ZNF578: variants seen among roughly 807,000 people sequenced by gnomAD.
The protein encoded by ZNF578 is Putative chemokine-related protein B42.
Under a neutral mutation model 8.3 loss-of-function variants are expected in ZNF578, and 8 were observed. The ratio of observed to expected loss-of-function variants is 0.96; its 90% CI spans 0.56 to 1.74. The LOEUF is 1.74. Ranked by LOEUF, ZNF578 falls within the 40% of genes most tolerant of loss-of-function variation. The probability of loss-of-function intolerance (pLI) is 0.00; values close to 1 mark genes in which losing one functional copy is unlikely to be tolerated. For missense variants in ZNF578, 726 were observed against 707.5 expected (o/e 1.03, Z -0.30); for synonymous variants, 206 against 232.2 (o/e 0.89, Z 1.03).
chr19:52,502,896 G>A (rs2059412479), intron 4 of ZNF578, among the ~76,000 whole-genome samples: 1 of 152,122 alleles, frequency 6.6e-6, no homozygotes, highest in Non-Finnish European at 1.5e-5. Context: ...GTCACCATAT[G>A]TATGTATGTA....
At chr19:52,487,732 C>G (rs987429217) in intron 2 of ZNF578, among the ~76,000 whole-genome samples, 1 of 151,474 alleles carries the variant, frequency 6.6e-6, no homozygotes, top group African/African-American at 2.4e-5. Flanking sequence ...TGGGCTCAAG[C>G]GATCCTCCTA....
rs1007690741 is a variant in ZNF578 at position 52,516,684 on chromosome 19, G to T, written c.*4530G>T. ...TGTAATCTCCCCCACCCTTCAGAAG[G>T]CTCTTTGTAATCCTCCCCACCCTTG... On this transcript the variant is annotated 3_prime_UTR_variant, in exon 6 of 6. Coordinates refer to ENST00000421239, the MANE Select transcript of ZNF578 (RefSeq NM_001099694.2). 6.6e-6 allele frequency among the ~76,000 whole-genome samples: 1 copy of T among 152,040 alleles called. No homozygotes were observed. The highest frequency in any genetic ancestry group is 2.4e-5 in the African/African-American group (1 of 41,354).
chr19:52,511,182 CTT>C lies in ZNF578; in HGVS notation c.803_804del (p.Phe268Ter), dbSNP rs767667605. The C allele has an allele frequency of 4.3e-6, 7 of 1,614,226 alleles. No homozygotes were observed. The South Asian group carries it at 6.6e-5, about 15-fold the overall frequency. ...QYKFDICGKV[F>X]NEKRYLARHR... The stretch of plus-strand genomic sequence containing the variant: ...ATAAATTTGATATATGTGGCAAAGT[CTT>C]TAATGAGAAGCGATACCTTGCACGC... On this transcript the variant is annotated frameshift_variant, in exon 6 of 6. Transcript: ENST00000421239. LOFTEE classifies it low-confidence loss of function (END_TRUNC).
At chr19:52,508,986 C>T (rs2059435104) in intron 5 of ZNF578, among the ~76,000 whole-genome samples, 1 of 147,004 alleles carries the variant, frequency 6.8e-6, no homozygotes, top group African/African-American at 2.5e-5. Flanking sequence ...ACTGCAACCT[C>T]CGGCTCCTGG....
chr19:52,456,595 C>G (rs571377819), intron 1 of ZNF578: 2 of 152,258 alleles, frequency 1.3e-5, no homozygotes, highest in Non-Finnish European at 2.9e-5. Context: ...CCCAGCACCC[C>G]ACAGCTGCAG....
intron 2 of ZNF578, among the ~76,000 whole-genome samples, chr19:52,470,480 T>A (rs1287178192): frequency 6.6e-6 from 1 of 152,126 alleles, no homozygotes; most frequent in Non-Finnish European, 1.5e-5. Flanking sequence ...TCAGTTTGAT[T>A]GGATTGAGGG....
At chr19:52,475,360 T>A (rs1446380153) in intron 2 of ZNF578, 1 of 161,726 alleles carries the variant, frequency 6.2e-6, no homozygotes, top group Non-Finnish European at 1.4e-5. Context: ...TTTCTTTTTT[T>A]TTTTTTTTTG....
chr19:52,465,849 T>C (rs910483443), intron 2 of ZNF578, among the ~76,000 whole-genome samples: 1 of 152,252 alleles, frequency 6.6e-6, no homozygotes, highest in African/African-American at 2.4e-5. Context: ...GAGTCCTCCA[T>C]CCGTCGGCCC....
intron 2 of ZNF578, among the ~76,000 whole-genome samples, chr19:52,485,057 T>G (rs1424263720): frequency 6.6e-6 from 1 of 151,850 alleles, no homozygotes; most frequent in Non-Finnish European, 1.5e-5. Flanking sequence ...AGTCGGACTT[T>G]GAATGGAAGG....
intron 3 of ZNF578, among the ~76,000 whole-genome samples, chr19:52,500,594 G>GA (rs1221370727): frequency 6.6e-6 from 1 of 151,978 alleles, no homozygotes; most frequent in Non-Finnish European, 1.5e-5. Context: ...TGTTGGCTGG[G>GA]ACGGTGTCGA....
At chr19:52,489,902 C>T (rs1234573787) in intron 2 of ZNF578, among the ~76,000 whole-genome samples, 6 of 152,150 alleles carry the variant, frequency 3.9e-5, no homozygotes, top group African/African-American at 1.4e-4. Flanking sequence ...GTGATCTGCC[C>T]GCCTCGGCCT....
intron 2 of ZNF578, among the ~76,000 whole-genome samples, chr19:52,471,037 C>G (rs540176149): frequency 6.6e-6 from 1 of 152,276 alleles, no homozygotes; most frequent in South Asian, 2.1e-4. Flanking sequence ...CCCCCACCCA[C>G]TTCCTCCTGT....
At chr19:52,460,340 C>A (rs1334423611) in intron 2 of ZNF578, among the ~76,000 whole-genome samples, 1 of 150,748 alleles carries the variant, frequency 6.6e-6, no homozygotes, top group Non-Finnish European at 1.5e-5. Flanking sequence ...TGATGATGGC[C>A]ATCCTAATGG....
At chr19:52,501,718 T>G in intron 3 of ZNF578, 109 bp from the exon 4 acceptor site, 3 of 1,010,592 alleles carry the variant, frequency 3.0e-6, no homozygotes, top group Non-Finnish European at 1.4e-6. Flanking sequence ...CAGTGGGCAG[T>G]GGGGGGGGCT....
chr19:52,510,732 A>T lies in ZNF578; in HGVS notation c.351A>T (p.Ser117=). 1.9e-6 allele frequency: 3 copies of T among 1,612,884 alleles called. No individual in the cohort carries two copies. Among genetic ancestry groups the T allele is most frequent in the Non-Finnish European group, 1.7e-6 (2 of 1,179,620 alleles). ...EKDIHDFEFQ[S]QKDERNGHEA... Reference sequence around the variant, plus strand: ...ATATTCATGACTTTGAGTTTCAGTCACAAAAAGATGAAAGAAATGGCCATG... The same window carrying T: ...ATATTCATGACTTTGAGTTTCAGTCTCAAAAAGATGAAAGAAATGGCCATG... The change falls in exon 6 of 6, where the codon TCA becomes TCT. Residue 117 remains serine, a synonymous_variant. Transcript: ENST00000421239.
At chr19:52,481,923 G>A (rs1182342914) in intron 2 of ZNF578, among the ~76,000 whole-genome samples, 1 of 151,924 alleles carries the variant, frequency 6.6e-6, no homozygotes, top group Non-Finnish European at 1.5e-5. Flanking sequence ...TGTAGAAATG[G>A]GGTTTCACTA....
intron 1 of ZNF578, chr19:52,454,054 G>T (rs1434805007): frequency 1.3e-5 from 2 of 152,204 alleles, no homozygotes; most frequent in African/African-American, 2.4e-5. Context: ...TCCTCCTTGG[G>T]CTGGGCCCTT....
At chr19:52,505,697 T>C (rs1883142734) in intron 5 of ZNF578, among the ~76,000 whole-genome samples, 1 of 152,184 alleles carries the variant, frequency 6.6e-6, no homozygotes, top group Admixed American at 6.5e-5. Context: ...GTGCTGGGAT[T>C]ACAGGCGTGA....
At chr19:52,495,180 T>G (rs78928667) in intron 3 of ZNF578, among the ~76,000 whole-genome samples, 1 of 117,198 alleles carries the variant, frequency 8.5e-6, no homozygotes, top group East Asian at 2.1e-4. Flanking sequence ...TAGTAGTTTT[T>G]TGAGGTGGAG....
Sources: allele counts gnomAD v4.1 joint callset (sites outside exome capture counted in the v4.1 genomes callset), GRCh38; gene constraint gnomAD v4.1.1; transcripts MANE v1.5; gene names NCBI Gene and HGNC (gene_info 2026-07-23, HGNC 2026-07-21).